Variants in TENM3 observed in about 807,000 individuals in gnomAD.
TENM3 encodes teneurin-3.
Under a neutral mutation model 255.1 loss-of-function variants are expected in TENM3, and 63 were observed. The ratio of observed to expected loss-of-function variants is 0.25; its 90% CI spans 0.20 to 0.30. TENM3 has a LOEUF of 0.30. Ranked by LOEUF, TENM3 falls within the 10% of genes least tolerant of loss-of-function variation. The pLI is 1.00. For missense variants in TENM3, 2,929 were observed against 3,461.1 expected (o/e 0.85, Z 3.86); for synonymous variants, 1,306 against 1,322.3 (o/e 0.99, Z 0.27).
chr4:181,509,166 C>A, the TENM3 span, among the ~76,000 whole-genome samples: 1 of 152,054 alleles, frequency 6.6e-6, no homozygotes, highest in Middle Eastern at 3.4e-3. Context: ...AACTGAAAGG[C>A]AATTTTCACG....
At chr4:181,857,017 C>T in the TENM3 span, among the ~76,000 whole-genome samples, 5 of 152,286 alleles carry the variant, frequency 3.3e-5, no homozygotes, top group East Asian at 9.6e-4. Flanking sequence ...TGGGGCAAAC[C>T]ATGGTGATCA....
At position 182,346,999 on chromosome 4, in the gene TENM3, G is replaced by GGA; in HGVS notation, c.511+71_511+72insAG. ...TGTCTGTTTTGGTTGACTCCGCGGG[G>GGA]GGGGATGTTTTTCTTTCTCTCCTTC... is the stretch of plus-strand genomic sequence containing the variant. On this transcript the variant is annotated intron_variant, in intron 3 of 27. Transcript: ENST00000511685. The GGA allele has an allele frequency of 5.2e-6, 6 of 1,150,662 alleles. 1 individual carries two copies. The highest frequency in any genetic ancestry group is 7.1e-6 in the Non-Finnish European group (6 of 841,640). The allele number at this position is 1,150,662 out of a possible 1,614,324, so 71.3% of individuals were successfully genotyped here. A position where few individuals can be genotyped will look rare whatever the true frequency, so the allele number is the denominator to read the frequency against.
intron 3 of TENM3, among the ~76,000 whole-genome samples, chr4:182,426,978 G>A (rs1771270076): frequency 1.3e-5 from 2 of 152,026 alleles, no homozygotes; most frequent in South Asian, 4.1e-4. Context: ...CCATGCTGAG[G>A]CATCTGTTCA....
chr4:182,082,246 T>C, the TENM3 span, among the ~76,000 whole-genome samples: 1 of 152,180 alleles, frequency 6.6e-6, no homozygotes, highest in Admixed American at 6.5e-5. Flanking sequence ...CTTCTCTCCA[T>C]GTCCTCACAT....
At chr4:181,696,171 C>A in the TENM3 span, among the ~76,000 whole-genome samples, 1 of 152,118 alleles carries the variant, frequency 6.6e-6, no homozygotes, top group Admixed American at 6.5e-5. Context: ...ACATGAAGAA[C>A]TAATAACTTG....
the TENM3 span, among the ~76,000 whole-genome samples, chr4:181,482,161 G>A: frequency 2.0e-5 from 3 of 151,888 alleles, no homozygotes; most frequent in African/African-American, 4.8e-5. Context: ...TATTAATAGG[G>A]TATGTAATGA....
intron 1 of TENM3, among the ~76,000 whole-genome samples, chr4:182,174,045 T>C (rs1752280856): frequency 6.6e-6 from 1 of 151,154 alleles, no homozygotes; most frequent in African/African-American, 2.4e-5. Context: ...AAGCAGACTT[T>C]ATGCAAATTG....
At chr4:181,844,211 C>T in the TENM3 span, among the ~76,000 whole-genome samples, 1 of 152,110 alleles carries the variant, frequency 6.6e-6, no homozygotes, top group African/African-American at 2.4e-5. Context: ...GTAATCACCC[C>T]ATCTCTCAAC....
chr4:182,722,200 T>C lies in TENM3; in HGVS notation c.2369-6765T>C, dbSNP rs182960901. On this transcript the variant is annotated intron_variant, in intron 13 of 27. Transcript: ENST00000511685. ...TTTTATAATTCCATGGATTGCTTAA[T>C]ATTCAATTAATCAAGAACATTTTTA... Among the ~76,000 whole-genome samples, 20 of 152,302 alleles carry C rather than the reference T, an allele frequency of 1.3e-4. No individual in the cohort carries two copies. The East Asian group carries it at 3.9e-3, about 29-fold the overall frequency.
At chr4:181,956,587 T>C in the TENM3 span, among the ~76,000 whole-genome samples, 1 of 152,308 alleles carries the variant, frequency 6.6e-6, no homozygotes, top group East Asian at 1.9e-4. Context: ...TCATCTTGAA[T>C]CTGAAAATGA....
intron 1 of TENM3, among the ~76,000 whole-genome samples, chr4:182,232,134 A>G (rs1438226561): frequency 1.6e-4 from 24 of 152,164 alleles, no homozygotes; most frequent in Admixed American, 1.6e-3. Flanking sequence ...TTGGTAGCGT[A>G]TATACAAATG....
At chr4:181,929,230 T>G in the TENM3 span, among the ~76,000 whole-genome samples, 1 of 152,150 alleles carries the variant, frequency 6.6e-6, no homozygotes, top group South Asian at 2.1e-4. Context: ...AGACACAGAC[T>G]GGCAAATTGA....
chr4:182,004,517 T>C, the TENM3 span, among the ~76,000 whole-genome samples: 1 of 152,170 alleles, frequency 6.6e-6, no homozygotes, highest in Non-Finnish European at 1.5e-5. Context: ...CTATTGCAAA[T>C]AGTGCTATAA....
chr4:182,199,720 CTTTTTTTTTTT>C (rs367906246), intron 1 of TENM3, among the ~76,000 whole-genome samples: 1 of 104,854 alleles, frequency 9.5e-6, no homozygotes. Context: ...AACATCATTG[CTTTTTTTTTTT>C]TTTTTTTTTT....
At chr4:182,090,376 C>A in the TENM3 span, among the ~76,000 whole-genome samples, 8 of 152,172 alleles carry the variant, frequency 5.3e-5, no homozygotes, top group Non-Finnish European at 1.0e-4. Flanking sequence ...CTCCATCAGT[C>A]CATTAGTGAC....
chr4:181,991,239 G>T, the TENM3 span, among the ~76,000 whole-genome samples: 2 of 152,218 alleles, frequency 1.3e-5, no homozygotes, highest in South Asian at 4.2e-4. Flanking sequence ...AAATTGAGAA[G>T]ATATTTCCCG....
At chr4:182,332,931 T>C (rs578063227) in intron 2 of TENM3, among the ~76,000 whole-genome samples, 1 of 152,320 alleles carries the variant, frequency 6.6e-6, no homozygotes, top group South Asian at 2.1e-4. Flanking sequence ...GAGGTGCTAT[T>C]ATTCCAAGCA....
At chr4:182,056,437 A>G in the TENM3 span, among the ~76,000 whole-genome samples, 1 of 152,152 alleles carries the variant, frequency 6.6e-6, no homozygotes, top group Non-Finnish European at 1.5e-5. Flanking sequence ...TCAAAAGATC[A>G]TTTATCAACA....
At chr4:181,585,702 T>C in the TENM3 span, among the ~76,000 whole-genome samples, 1 of 152,204 alleles carries the variant, frequency 6.6e-6, no homozygotes, top group Admixed American at 6.5e-5. Flanking sequence ...ATGCCTAAGA[T>C]TCTTTTAATC....
Sources: gnomAD v4.1 joint callset for allele counts (sites outside exome capture counted in the v4.1 genomes callset) on GRCh38, gnomAD v4.1.1 for gene constraint, MANE v1.5 for transcripts, NCBI Gene and HGNC (gene_info 2026-07-23, HGNC 2026-07-21) for gene names.